Variants in SIMC1 observed in about 807,000 individuals in gnomAD.
The protein encoded by SIMC1 is SUMO interacting motifs containing 1.
A neutral mutation model predicts 82.3 loss-of-function variants in SIMC1; 55 were observed. The ratio of observed to expected loss-of-function variants is 0.67; its 90% CI spans 0.54 to 0.84. The LOEUF (loss-of-function observed/expected upper bound fraction) is 0.84. SIMC1 is among the 40% of genes least tolerant of loss of function. SIMC1 has a pLI of 0.00. For missense variants in SIMC1, 915 were observed against 1,107.2 expected (o/e 0.83, Z 2.46); for synonymous variants, 353 against 426.3 (o/e 0.83, Z 2.12).
intron 7 of SIMC1, among the ~76,000 whole-genome samples, chr5:176,326,744 T>C (rs55852393): frequency 0.11 from 17,437 of 152,058 alleles, 1,085 homozygotes; most frequent in Admixed American, 0.15. Context: ...TGTGTATTTT[T>C]AGTAGAGATG....
rs529685385 is a variant in SIMC1, at chr5:176,304,423, G to A, written c.1734+8103G>A. ...GGGCCGGTCTCCAGCCCCTAACCGC[G>A]AGTGATCTGCCAACCTCGGCCTCCC... On this transcript the variant is annotated intron_variant, in intron 4 of 9. Transcript: ENST00000429602. 2.6e-3 allele frequency: 456 copies of A among 177,678 alleles called. 4 individuals are homozygous for A. The highest frequency in any genetic ancestry group is 0.01 in the African/African-American group (429 of 41,774). 11.0% of individuals were successfully genotyped at this position (177,678 alleles called of 1,614,324 possible). A position where few individuals can be genotyped will look rare whatever the true frequency, so the allele number is the denominator to read the frequency against.
intron 5 of SIMC1, among the ~76,000 whole-genome samples, chr5:176,320,276 A>G (rs1041558284): frequency 1.3e-5 from 2 of 152,124 alleles, no homozygotes; most frequent in African/African-American, 4.8e-5. Flanking sequence ...AGTCTGCAGG[A>G]TTGGGGAAGT....
intron 1 of SIMC1, among the ~76,000 whole-genome samples, chr5:176,259,764 C>T (rs1443263314): frequency 2.0e-5 from 3 of 151,228 alleles, no homozygotes; most frequent in Non-Finnish European, 4.4e-5. Context: ...CAGAGCAAGA[C>T]TCTATCTCAA....
intron 1 of SIMC1, among the ~76,000 whole-genome samples, chr5:176,276,160 G>C (rs563959664): frequency 1.3e-5 from 2 of 151,686 alleles, no homozygotes; most frequent in South Asian, 4.1e-4. Flanking sequence ...TCCTGCTATT[G>C]GTCTGTTCAG....
chr5:176,301,456 T>TA (rs1764037473), intron 4 of SIMC1, among the ~76,000 whole-genome samples: 1 of 152,094 alleles, frequency 6.6e-6, no homozygotes, highest in African/African-American at 2.4e-5. Flanking sequence ...AGTAGCGTGA[T>TA]ACACCCTGAT....
chr5:176,340,479 G>A (rs1050503773), intron 9 of SIMC1, among the ~76,000 whole-genome samples: 2 of 152,206 alleles, frequency 1.3e-5, no homozygotes, highest in Non-Finnish European at 2.9e-5. Flanking sequence ...GGCCAGCATA[G>A]CTTGCAGAAG....
intron 5 of SIMC1, among the ~76,000 whole-genome samples, chr5:176,320,325 A>T (rs1046374386): frequency 6.6e-6 from 1 of 150,624 alleles, no homozygotes; most frequent in African/African-American, 2.5e-5. Context: ...CTTTCAAGCC[A>T]TCCTATTTTA....
intron 5 of SIMC1, 74 bp from the exon 6 acceptor site, chr5:176,322,199 C>G: frequency 6.8e-7 from 1 of 1,471,034 alleles, no homozygotes; most frequent in Non-Finnish European, 9.1e-7. Flanking sequence ...ACATGGAAAC[C>G]TTTTCTTTCT....
intron 1 of SIMC1, among the ~76,000 whole-genome samples, chr5:176,255,157 T>A (rs1761806666): frequency 1.3e-5 from 2 of 150,986 alleles, no homozygotes; most frequent in Admixed American, 1.3e-4. Flanking sequence ...GCACCTGTAA[T>A]CCCTGCTACT....
chr5:176,295,538 A>C (rs534092590), intron 3 of SIMC1, among the ~76,000 whole-genome samples: 3 of 152,230 alleles, frequency 2.0e-5, no homozygotes, highest in African/African-American at 7.2e-5. Flanking sequence ...CTGCAGCTCT[A>C]CTTCGGTTCT....
intron 5 of SIMC1, among the ~76,000 whole-genome samples, chr5:176,321,479 C>T (rs1265999177): frequency 6.6e-6 from 1 of 151,218 alleles, no homozygotes; most frequent in East Asian, 1.9e-4. Flanking sequence ...ATCTTCTCTC[C>T]TCTTCTCTTC....
intron 4 of SIMC1, among the ~76,000 whole-genome samples, chr5:176,306,229 C>T (rs1420053457): frequency 1.2e-5 from 1 of 84,626 alleles, no homozygotes; most frequent in Non-Finnish European, 2.8e-5. Flanking sequence ...TGCCCGGCCG[C>T]CCCTACTGGG....
intron 1 of SIMC1, among the ~76,000 whole-genome samples, chr5:176,260,813 C>T (rs145263987): frequency 3.9e-4 from 60 of 152,188 alleles, no homozygotes; most frequent in African/African-American, 1.4e-3. Context: ...TGTAAAGAAG[C>T]AGAAATGGCA....
intron 4 of SIMC1, chr5:176,308,951 C>A: frequency 9.7e-7 from 1 of 1,029,546 alleles, no homozygotes; most frequent in Non-Finnish European, 1.5e-6. Flanking sequence ...AAACCAATAG[C>A]ATTTGCAGGA....
intron 4 of SIMC1, among the ~76,000 whole-genome samples, chr5:176,309,242 T>A (rs1230626069): frequency 6.6e-6 from 1 of 152,194 alleles, no homozygotes; most frequent in Non-Finnish European, 1.5e-5. Flanking sequence ...CAACTGATTT[T>A]GAAAAAGTGC....
At chr5:176,342,579 G>A (rs538044883) in intron 9 of SIMC1, among the ~76,000 whole-genome samples, 8 of 152,254 alleles carry the variant, frequency 5.3e-5, no homozygotes, top group South Asian at 2.1e-4. Context: ...TTCTTGCTGC[G>A]TCTTACCACG....
intron 2 of SIMC1, 186 bp from the exon 3 acceptor site, chr5:176,294,844 A>G: frequency 1.4e-6 from 1 of 708,456 alleles, no homozygotes; most frequent in Non-Finnish European, 2.2e-6. Context: ...GGGCGCCTGT[A>G]GTCCCAGCTA....
At chr5:176,292,273 T>A (rs1486803412) in intron 2 of SIMC1, among the ~76,000 whole-genome samples, 1 of 152,130 alleles carries the variant, frequency 6.6e-6, no homozygotes, top group Non-Finnish European at 1.5e-5. Flanking sequence ...AAACTAGATG[T>A]GTTAGGGAAA....
intron 5 of SIMC1, among the ~76,000 whole-genome samples, chr5:176,314,516 A>G (rs1236346438): frequency 2.0e-5 from 3 of 152,216 alleles, no homozygotes; most frequent in Non-Finnish European, 4.4e-5. Flanking sequence ...ATGAACCTCA[A>G]TATAAATCTC....
Sources: gnomAD v4.1 joint callset for allele counts (sites outside exome capture counted in the v4.1 genomes callset) on GRCh38, gnomAD v4.1.1 for gene constraint, MANE v1.5 for transcripts, NCBI Gene and HGNC (gene_info 2026-07-23, HGNC 2026-07-21) for gene names.